The following GAREM1 variants were observed in gnomAD, a reference collection of about 807,000 sequenced individuals.
GAREM1 encodes the protein GRB2 associated regulator of MAPK1 subtype 1.
GAREM1 carries 26 observed loss-of-function variants against 71.3 expected under a neutral mutation model. That is an observed-to-expected ratio of 0.36 (90% confidence interval 0.27 to 0.51). The LOEUF (loss-of-function observed/expected upper bound fraction) is 0.51. GAREM1 is among the 20% of genes least tolerant of loss of function. The probability of loss-of-function intolerance (pLI) is 0.95; values close to 1 mark genes in which losing one functional copy is unlikely to be tolerated. For missense variants in GAREM1, 1,026 were observed against 1,103.1 expected, an observed-to-expected ratio of 0.93 and a Z score of 0.99; for synonymous variants, 440 against 433.2, an observed-to-expected ratio of 1.02 and a Z score of -0.20.
chr18:32,350,191 A>G (rs1395139455), intron 2 of GAREM1, among the ~76,000 whole-genome samples: 3 of 152,158 alleles, frequency 2.0e-5, no homozygotes, highest in Non-Finnish European at 4.4e-5. Flanking sequence ...TTTTTCCAGA[A>G]TGAGTCATTC....
At chr18:32,426,550 T>A (rs1305403346) in intron 1 of GAREM1, among the ~76,000 whole-genome samples, 1 of 152,216 alleles carries the variant, frequency 6.6e-6, no homozygotes, top group Non-Finnish European at 1.5e-5. Context: ...ATTTTCTACT[T>A]CATGTATTTG....
intron 2 of GAREM1, among the ~76,000 whole-genome samples, chr18:32,362,367 T>C (rs191110460): frequency 2.0e-5 from 3 of 152,374 alleles, no homozygotes; most frequent in Admixed American, 2.0e-4. Context: ...GGGTTAATGA[T>C]CTAATTCCTA....
rs1481431516 is a variant in GAREM1, at chr18:32,296,749, C to T, written c.394-8546G>A. On this transcript the variant is annotated intron_variant, in intron 3 of 5. Transcript: ENST00000269209. Reference sequence around the variant, plus strand: ...AGAGACTGGGTCTTGCTATGCTGCTCAAGCTGTACTTGAACTCCTAGGCTC... The same window carrying T: ...AGAGACTGGGTCTTGCTATGCTGCTTAAGCTGTACTTGAACTCCTAGGCTC... Among the ~76,000 whole-genome samples, 10 of 148,308 alleles carry T rather than the reference C, an allele frequency of 6.7e-5. 1 individual carries two copies. The highest frequency in any genetic ancestry group is 4.4e-5 in the Non-Finnish European group (3 of 67,464).
In GAREM1 at chr18:32,465,350, A is replaced by G. The variant is rs975944146; in HGVS notation, c.121+4958T>C. Among the ~76,000 whole-genome samples, 3 of 152,362 alleles carry G rather than the reference A, an allele frequency of 2.0e-5. No homozygotes were observed. The South Asian group carries it at 6.2e-4, about 32-fold the overall frequency. On this transcript the variant is annotated intron_variant, in intron 1 of 5. Coordinates refer to ENST00000269209, the MANE Select transcript of GAREM1 (RefSeq NM_001242409.2). The stretch of plus-strand genomic sequence containing the variant: ...GATCCGAGAAAGACCTCTGATGTTT[A>G]CAAACAGCCACTTGGAGCCTCCCTG...
intron 1 of GAREM1, among the ~76,000 whole-genome samples, chr18:32,416,166 G>T (rs2048464760): frequency 6.6e-6 from 1 of 151,888 alleles, no homozygotes; most frequent in Admixed American, 6.6e-5. Context: ...CTTAACCAAA[G>T]AAGTAAAAGA....
intron 2 of GAREM1, among the ~76,000 whole-genome samples, chr18:32,330,541 A>C (rs1291746449): frequency 1.3e-5 from 2 of 152,254 alleles, no homozygotes; most frequent in Admixed American, 1.3e-4. Flanking sequence ...ATAGATTTGG[A>C]AACAAGGGTG....
At chr18:32,418,849 A>G (rs1307523175) in intron 1 of GAREM1, among the ~76,000 whole-genome samples, 3 of 152,206 alleles carry the variant, frequency 2.0e-5, no homozygotes, top group Admixed American at 6.5e-5. Flanking sequence ...GCGTAAGTAG[A>G]CAGAAATGAA....
chr18:32,295,138 C>T (rs548270133), intron 3 of GAREM1, among the ~76,000 whole-genome samples: 2 of 151,968 alleles, frequency 1.3e-5, no homozygotes, highest in Non-Finnish European at 2.9e-5. Flanking sequence ...GATCTCGGCT[C>T]GCTGCAACCT....
intron 3 of GAREM1, among the ~76,000 whole-genome samples, chr18:32,303,885 C>T (rs2047222933): frequency 6.6e-6 from 1 of 150,752 alleles, no homozygotes; most frequent in Non-Finnish European, 1.5e-5. Context: ...AGTGCCACTG[C>T]ACTCCAGCCT....
At position 32,372,427 on chromosome 18, in the gene GAREM1, A is replaced by G. The variant is rs541160680; in HGVS notation, c.262+20468T>C. ...TCAGCCTAGGAAACAGACACACCCA[A>G]TCCTATTGATTTTTAGATGTTAAAA... On this transcript the variant is annotated intron_variant, in intron 2 of 5. Coordinates refer to ENST00000269209, the MANE Select transcript of GAREM1 (RefSeq NM_001242409.2). 3.5e-4 allele frequency among the ~76,000 whole-genome samples: 54 copies of G among 152,284 alleles called. No individual in the cohort carries two copies. The South Asian group carries it at 3.7e-3, about 11-fold the overall frequency.
intron 3 of GAREM1, among the ~76,000 whole-genome samples, chr18:32,301,985 T>G (rs1321189505): frequency 3.9e-5 from 6 of 152,220 alleles, no homozygotes; most frequent in Non-Finnish European, 8.8e-5. Flanking sequence ...GACAGAAGGA[T>G]TTTGGCTATA....
chr18:32,343,892 CA>C (rs1032315096), intron 2 of GAREM1, among the ~76,000 whole-genome samples: 3 of 152,126 alleles, frequency 2.0e-5, no homozygotes, highest in African/African-American at 4.8e-5. Context: ...CCCCCACTCC[CA>C]GCTCTGCTGC....
At chr18:32,427,111 G>A (rs924678825) in intron 1 of GAREM1, among the ~76,000 whole-genome samples, 26 of 151,976 alleles carry the variant, frequency 1.7e-4, no homozygotes, top group African/African-American at 6.3e-4. Flanking sequence ...ACTTCCCATG[G>A]TAGTTTCTGG....
Position 32,470,788 on chromosome 18 carries a change from T to A in GAREM1, c.-360A>T, listed in dbSNP as rs896116580. ...CAGCTGCGGCGGCCGCCCGCTCGCC[T>A]CCTCCTCCTCTTACCCCTCCTTCCC... On this transcript the variant is annotated 5_prime_UTR_variant, in exon 1 of 6. Coordinates refer to ENST00000269209, the MANE Select transcript of GAREM1 (RefSeq NM_001242409.2). The surrounding 1 kb of genome is among the most constrained non-coding windows in gnomAD (Gnocchi z 4.4). 6.7e-6 allele frequency among the ~76,000 whole-genome samples: 1 copy of A among 149,244 alleles called. No homozygotes were observed. Among genetic ancestry groups the A allele is most frequent in the East Asian group, 2.0e-4 (1 of 5,078 alleles).
intron 3 of GAREM1, among the ~76,000 whole-genome samples, chr18:32,302,063 C>G (rs2047206922): frequency 6.6e-6 from 1 of 152,122 alleles, no homozygotes; most frequent in South Asian, 2.1e-4. Flanking sequence ...TTAAACTATA[C>G]AAGCTATTGT....
rs151066543 is a variant in GAREM1, at chr18:32,465,482, C to A, written c.121+4826G>T. Reference sequence around the variant, plus strand: ...AAATTTCCCACAGTCCCAACACATCCGGGACTTAGAATCTGATCTGATTCC... The same window carrying A: ...AAATTTCCCACAGTCCCAACACATCAGGGACTTAGAATCTGATCTGATTCC... On this transcript the variant is annotated intron_variant, in intron 1 of 5. Coordinates refer to ENST00000269209, the MANE Select transcript of GAREM1 (RefSeq NM_001242409.2). Among the ~76,000 whole-genome samples, 338 of 152,172 alleles carry A rather than the reference C, an allele frequency of 2.2e-3. 3 individuals are homozygous for A. Among genetic ancestry groups the A allele is most frequent in the African/African-American group, 7.7e-3 (318 of 41,518 alleles).
chr18:32,276,530 A>G (rs2041545208), intron 4 of GAREM1, among the ~76,000 whole-genome samples: 1 of 152,218 alleles, frequency 6.6e-6, no homozygotes, highest in African/African-American at 2.4e-5. Flanking sequence ...GGTTCATGGG[A>G]GCACCATAAA....
Position 32,268,694 on chromosome 18 carries a change from G to A in GAREM1, c.1808C>T (p.Thr603Ile), listed in dbSNP as rs761287315. The A allele has an allele frequency of 4.9e-5, 79 of 1,614,004 alleles. No individual in the cohort carries two copies. Among genetic ancestry groups the A allele is most frequent in the Non-Finnish European group, 6.7e-5 (79 of 1,180,010 alleles). ...VSCYPCNRVK[T>I]DSVDLKSPFG... Reference sequence around the variant, plus strand: ...CGGGGATTTCAGGTCCACAGAATCAGTTTTCACTCGGTTACATGGATAGCA... The same window carrying A: ...CGGGGATTTCAGGTCCACAGAATCAATTTTCACTCGGTTACATGGATAGCA... Residue 603 changes from threonine (T) to isoleucine (I), a missense_variant, in exon 6 of 6, where the codon ACT (threonine) becomes ATT (isoleucine). This residue lies in a region of GAREM1 where 636 missense variants were observed against 631.2 expected (regional missense o/e 1.01). Coordinates refer to ENST00000269209, the MANE Select transcript of GAREM1 (RefSeq NM_001242409.2).
chr18:32,354,455 G>A (rs2047785213), intron 2 of GAREM1, among the ~76,000 whole-genome samples: 1 of 152,140 alleles, frequency 6.6e-6, no homozygotes. Context: ...CATCAGAAGA[G>A]TCCAAAATTA....
Sources: allele counts gnomAD v4.1 joint callset (sites outside exome capture counted in the v4.1 genomes callset), GRCh38; gene constraint gnomAD v4.1.1; regional missense constraint gnomAD v4.1.1; non-coding constraint Gnocchi (gnomAD v3.1); transcripts MANE v1.5; gene names NCBI Gene and HGNC (gene_info 2026-07-23, HGNC 2026-07-21).